The following HS6ST2 variants were observed in gnomAD, a reference collection of about 807,000 sequenced individuals.
The protein encoded by HS6ST2 is heparan-sulfate 6-O-sulfotransferase 2.
HS6ST2 carries 17 observed loss-of-function variants against 33.0 expected under a neutral mutation model. That is an observed-to-expected ratio of 0.52 (90% CI 0.35 to 0.77). The LOEUF is 0.77. HS6ST2 is among the 30% of genes least tolerant of loss of function. The pLI is 0.01. For synonymous variants in HS6ST2, 248 were observed against 237.1 expected (o/e 1.05, Z -0.42); for missense variants, 519 against 551.7 (o/e 0.94, Z 0.59).
chrX:132,778,570 T>TC (rs1403943526), intron 2 of HS6ST2, among the ~76,000 whole-genome samples: 1 of 108,911 alleles, frequency 9.2e-6, no homozygotes, highest in Non-Finnish European at 1.9e-5. Context: ...CAGCTAATTT[T>TC]TTTTTTTGTA....
chrX:132,709,883 T>G (rs766351491), intron 2 of HS6ST2, among the ~76,000 whole-genome samples: 15 of 108,929 alleles, frequency 1.4e-4, no homozygotes, highest in Non-Finnish European at 2.3e-4. Context: ...CATATATTGA[T>G]TCCTAGGATC....
At chrX:132,943,775 A>C (rs1388070121) in intron 2 of HS6ST2, among the ~76,000 whole-genome samples, 1 of 111,881 alleles carries the variant, frequency 8.9e-6, no homozygotes, top group Non-Finnish European at 1.9e-5. Context: ...TTATCTCAAT[A>C]GATGCAGAAA....
intron 2 of HS6ST2, among the ~76,000 whole-genome samples, chrX:132,803,796 G>A (rs148435650): frequency 0.04 from 4,515 of 111,685 alleles, 162 homozygotes; most frequent in East Asian, 0.14. Flanking sequence ...CAGCTTCCCC[G>A]TCTATAACAT....
intron 2 of HS6ST2, among the ~76,000 whole-genome samples, chrX:132,838,058 T>C (rs1366136237): frequency 1.8e-5 from 2 of 111,650 alleles, no homozygotes; most frequent in Admixed American, 1.9e-4. Context: ...TTTTTATGGC[T>C]GTATTCCTTC....
intron 2 of HS6ST2, among the ~76,000 whole-genome samples, chrX:132,739,722 A>G (rs903137651): frequency 1.8e-5 from 2 of 110,129 alleles, no homozygotes; most frequent in African/African-American, 6.6e-5. Context: ...TTCAAAAAAA[A>G]AAAAAAAAGG....
intron 2 of HS6ST2, among the ~76,000 whole-genome samples, chrX:132,826,954 T>A (rs1188542872): frequency 2.7e-5 from 3 of 111,256 alleles, no homozygotes; most frequent in African/African-American, 9.8e-5. Context: ...GTGTTTTTGT[T>A]ATTAATTAAG....
At chrX:132,702,253 C>T (rs1217206064) in intron 3 of HS6ST2, among the ~76,000 whole-genome samples, 1 of 112,498 alleles carries the variant, frequency 8.9e-6, no homozygotes, top group Admixed American at 9.4e-5. Context: ...ATAGCTTTTC[C>T]CTTTACAGAA....
intron 4 of HS6ST2, among the ~76,000 whole-genome samples, chrX:132,660,578 T>C (rs900997593): frequency 3.6e-5 from 4 of 111,648 alleles, no homozygotes; most frequent in African/African-American, 1.3e-4. Context: ...TCCCCATGAA[T>C]AGGATCTACT....
chrX:132,663,618 A>G (rs754027925), intron 4 of HS6ST2, among the ~76,000 whole-genome samples: 1 of 113,096 alleles, frequency 8.8e-6, no homozygotes, highest in Non-Finnish European at 1.9e-5. Context: ...TTGTGATATT[A>G]GACTTAGTCT....
chrX:132,937,336 A>G (rs1464247926), intron 2 of HS6ST2, among the ~76,000 whole-genome samples: 1 of 112,108 alleles, frequency 8.9e-6, no homozygotes, highest in Non-Finnish European at 1.9e-5. Flanking sequence ...TAGAAATAGA[A>G]AAAACAAATT....
chrX:132,673,532 A>G (rs1200969974), intron 3 of HS6ST2, among the ~76,000 whole-genome samples: 2 of 112,608 alleles, frequency 1.8e-5, no homozygotes, highest in Admixed American at 9.3e-5. Flanking sequence ...CATCTGTTGC[A>G]TTTGTATAGT....
chrX:132,638,850 A>C (rs1015758625), intron 4 of HS6ST2, among the ~76,000 whole-genome samples: 1 of 112,000 alleles, frequency 8.9e-6, no homozygotes, highest in Non-Finnish European at 1.9e-5. Context: ...CAAACATGCT[A>C]TTAGTTCTCC....
chrX:132,734,188 C>T (rs747796292), intron 2 of HS6ST2, among the ~76,000 whole-genome samples: 9 of 105,887 alleles, frequency 8.5e-5, no homozygotes, highest in East Asian at 2.9e-4. Flanking sequence ...AGGATGGTGA[C>T]GGAATAGCTC....
At chrX:132,641,905 C>A (rs1434433707) in intron 4 of HS6ST2, among the ~76,000 whole-genome samples, 1 of 111,998 alleles carries the variant, frequency 8.9e-6, no homozygotes, top group African/African-American at 3.2e-5. Flanking sequence ...TTTGTGGGCC[C>A]CTTACAGAAC....
chrX:132,767,558 T>A (rs1602654828), intron 2 of HS6ST2, among the ~76,000 whole-genome samples: 1 of 111,453 alleles, frequency 9.0e-6, no homozygotes, highest in Non-Finnish European at 1.9e-5. Context: ...GTACACATTG[T>A]TTACATTGAA....
At chrX:132,740,895 A>G (rs1400751797) in intron 2 of HS6ST2, among the ~76,000 whole-genome samples, 2 of 111,861 alleles carry the variant, frequency 1.8e-5, no homozygotes, top group African/African-American at 6.5e-5. Flanking sequence ...AAAAGCAAGG[A>G]GTATATATTA....
intron 3 of HS6ST2, among the ~76,000 whole-genome samples, chrX:132,684,855 G>A (rs1004591426): frequency 1.8e-5 from 2 of 111,741 alleles, no homozygotes; most frequent in African/African-American, 3.3e-5. Flanking sequence ...TCTAGCACTT[G>A]TTTTCTTTTA....
At chrX:132,894,430 T>C (rs940490282) in intron 2 of HS6ST2, among the ~76,000 whole-genome samples, 6 of 110,961 alleles carry the variant, frequency 5.4e-5, no homozygotes, top group African/African-American at 2.0e-4. Context: ...TGTGAGCCAC[T>C]GTGCCAGGCC....
intron 2 of HS6ST2, among the ~76,000 whole-genome samples, chrX:132,942,722 A>G (rs1321720383): frequency 3.6e-5 from 4 of 111,967 alleles, no homozygotes; most frequent in African/African-American, 1.3e-4. Context: ...ATTACCCTCC[A>G]AAGGCTGTGT....
Sources: gnomAD v4.1 joint callset for allele counts (sites outside exome capture counted in the v4.1 genomes callset) on GRCh38, gnomAD v4.1.1 for gene constraint, MANE v1.5 for transcripts, NCBI Gene and HGNC (gene_info 2026-07-23, HGNC 2026-07-21) for gene names.